ZNF106: variants seen among roughly 807,000 people sequenced by gnomAD.
ZNF106 encodes the protein zinc finger protein 106.
In ZNF106, 67 loss-of-function variants were observed where a neutral mutation model predicts 195.1. The ratio of observed to expected loss-of-function variants is 0.34; its 90% CI spans 0.28 to 0.42. The LOEUF is 0.42. Ranked by LOEUF, ZNF106 falls within the 10% of genes least tolerant of loss-of-function variation. The pLI is 1.00. For synonymous variants in ZNF106, 784 were observed against 818.6 expected (o/e 0.96, Z 0.72); for missense variants, 2,118 against 2,304.5 (o/e 0.92, Z 1.66).
At position 42,442,000 on chromosome 15, in the gene ZNF106, C is replaced by G. The variant is rs1011073467; in HGVS notation, c.3763+73G>C. ...TTTTAGTTTTAATGAGCAAGTATGGCTTATATCACTCATATAAAAATGCCC... is the reference window on the plus strand; with the variant it reads ...TTTTAGTTTTAATGAGCAAGTATGGGTTATATCACTCATATAAAAATGCCC... On this transcript the variant is annotated intron_variant, in intron 10 of 21. Coordinates refer to ENST00000564754, the MANE Select transcript of ZNF106 (RefSeq NM_001366845.3). 6 of 1,236,060 alleles carry G rather than the reference C, an allele frequency of 4.9e-6. No homozygotes were observed. In the Admixed American group the frequency reaches 1.4e-4, roughly 28 times the overall value. 76.6% of individuals were successfully genotyped at this position (1,236,060 alleles called of 1,614,324 possible).
chr15:42,452,874 C>T lies in ZNF106; in HGVS notation c.318-920G>A, dbSNP rs1419666397. On this transcript the variant is annotated intron_variant, in intron 4 of 21. Transcript: ENST00000564754. ...CTAATTTTTGTATTTTTAGTAGAGA[C>T]GGGGTTTCACCATGTTGGCCAGGCT... is the stretch of plus-strand genomic sequence containing the variant. Among the ~76,000 whole-genome samples the T allele has an allele frequency of 2.6e-5, 4 of 151,530 alleles. 1 individual carries two copies. Among genetic ancestry groups the T allele is most frequent in the South Asian group, 4.2e-4 (2 of 4,810 alleles).
intron 13 of ZNF106, among the ~76,000 whole-genome samples, chr15:42,436,968 G>T (rs192206658): frequency 6.6e-6 from 1 of 152,320 alleles, no homozygotes; most frequent in Admixed American, 6.5e-5. Flanking sequence ...AGAGACTCCA[G>T]TGGCTCCTGA....
chr15:42,461,319 G>A (rs934876), intron 3 of ZNF106, among the ~76,000 whole-genome samples: 12,988 of 152,236 alleles, frequency 0.085, 1,215 homozygotes, highest in African/African-American at 0.21. Context: ...AAATAATCAC[G>A]GGGGAAATGT....
intron 2 of ZNF106, among the ~76,000 whole-genome samples, chr15:42,468,742 A>C (rs528203566): frequency 9.3e-4 from 140 of 151,026 alleles, no homozygotes; most frequent in African/African-American, 2.8e-3. Flanking sequence ...ACTCCGTCTC[A>C]AAAAAAATAA....
Position 42,433,075 on chromosome 15 carries a change from C to T in ZNF106, c.4881+2309G>A, listed in dbSNP as rs528994164. ...CATTTTTATTCCTCTATTTCTCCTT[C>T]TACCTTCTCTTGTATTAAGTATATT... is the stretch of plus-strand genomic sequence containing the variant. On this transcript the variant is annotated intron_variant, in intron 14 of 21. Coordinates refer to ENST00000564754, the MANE Select transcript of ZNF106 (RefSeq NM_001366845.3). 1.6e-4 allele frequency among the ~76,000 whole-genome samples: 25 copies of T among 152,190 alleles called. 1 individual carries two copies. The South Asian group carries it at 5.2e-3, about 32-fold the overall frequency.
intron 4 of ZNF106, among the ~76,000 whole-genome samples, chr15:42,453,359 C>T (rs540873725): frequency 1.9e-4 from 29 of 152,212 alleles, no homozygotes; most frequent in African/African-American, 4.8e-4. Flanking sequence ...TCATGTCAGA[C>T]GAGGAGTCCA....
chr15:42,456,376 C>T (rs896527041), intron 4 of ZNF106, among the ~76,000 whole-genome samples: 12 of 152,082 alleles, frequency 7.9e-5, no homozygotes, highest in Middle Eastern at 3.2e-3. Context: ...TGGACAGGTA[C>T]GGTGGCTCAC....
At position 42,448,179 on chromosome 15, in the gene ZNF106, C is replaced by G. The variant is rs199854746; in HGVS notation, c.3028G>C (p.Ala1010Pro). 1 of 1,614,130 alleles carries G rather than the reference C, an allele frequency of 6.2e-7. No homozygotes were observed. Among genetic ancestry groups the G allele is most frequent in the East Asian group, 2.2e-5 (1 of 44,880 alleles). Residue 1010 changes from alanine to proline, a missense_variant, in exon 6 of 22, where the codon GCC (alanine) becomes CCC (proline). Ala to Pro is a conservative substitution (Grantham distance 27, BLOSUM62 -1). Transcript: ENST00000564754. ...TCCGCTAAACTGGAGATCGCAAGGG[C>G]TGAGGATGCGCTTGATGACAGACAG... ...GNCLSSSASS[A>P]LAISSLADAA...
At chr15:42,458,830 G>A (rs1339207982) in intron 3 of ZNF106, among the ~76,000 whole-genome samples, 1 of 150,960 alleles carries the variant, frequency 6.6e-6, no homozygotes, top group Non-Finnish European at 1.5e-5. Flanking sequence ...ACCTGTAACA[G>A]AAACTGTCTT....
chr15:42,448,715 G>T lies in ZNF106; in HGVS notation c.2502-10C>A. ...CATTTCTATGCCAAACCTTAAGGAA[G>T]AAAGAAAAAATGAAAACATAAATTG... On this transcript the variant is annotated splice_polypyrimidine_tract_variant and intron_variant, in intron 5 of 21. Coordinates refer to ENST00000564754, the MANE Select transcript of ZNF106 (RefSeq NM_001366845.3). 3 of 1,567,900 alleles carry T rather than the reference G, an allele frequency of 1.9e-6. No individual in the cohort carries two copies. The highest frequency in any genetic ancestry group is 2.6e-6 in the Non-Finnish European group (3 of 1,165,846).
intron 2 of ZNF106, among the ~76,000 whole-genome samples, chr15:42,470,789 C>T (rs993624994): frequency 5.3e-5 from 8 of 152,266 alleles, no homozygotes; most frequent in Middle Eastern, 6.8e-3. Flanking sequence ...CTCTGTCCAA[C>T]GTGAAAGTAG....
intron 17 of ZNF106, among the ~76,000 whole-genome samples, chr15:42,423,089 C>A (rs762751097): frequency 6.6e-6 from 1 of 151,742 alleles, no homozygotes; most frequent in African/African-American, 2.4e-5. Flanking sequence ...TCTCACAGGC[C>A]GGGCACAGTG....
Position 42,435,465 on chromosome 15 carries a change from G to A in ZNF106, c.4800C>T (p.Leu1600=). ...TCTTCCCGGAGGTCTGAGTAACCAGGAGGCAGTTAACTTTGGAGGTATGAC... is the reference window on the plus strand; with the variant it reads ...TCTTCCCGGAGGTCTGAGTAACCAGAAGGCAGTTAACTTTGGAGGTATGAC... ...FEGHTSKVNC[L]LVTQTSGKNA... The change falls in exon 14 of 22, where the codon CTC becomes CTT. Residue 1600 remains leucine, a synonymous_variant. Transcript: ENST00000564754. The A allele has an allele frequency of 6.2e-7, 1 of 1,614,192 alleles. No individual in the cohort carries two copies. Among genetic ancestry groups the A allele is most frequent in the Non-Finnish European group, 8.5e-7 (1 of 1,180,032 alleles).
At chr15:42,443,794 C>T (rs2055648997) in intron 9 of ZNF106, among the ~76,000 whole-genome samples, 1 of 151,826 alleles carries the variant, frequency 6.6e-6, no homozygotes, top group Admixed American at 6.6e-5. Context: ...CTTTTCATGA[C>T]TACTTTTCAT....
At chr15:42,482,130 T>C (rs184104493) in intron 1 of ZNF106, among the ~76,000 whole-genome samples, 8 of 152,356 alleles carry the variant, frequency 5.3e-5, no homozygotes, top group Admixed American at 5.2e-4. Context: ...GATATCATAT[T>C]TTTCAGTTCT....
chr15:42,450,531 T>C lies in ZNF106; in HGVS notation c.1741A>G (p.Ser581Gly), dbSNP rs758294779. 1 of 1,614,200 alleles carries C rather than the reference T, an allele frequency of 6.2e-7. No homozygotes were observed. The highest frequency in any genetic ancestry group is 1.1e-5 in the South Asian group (1 of 91,084). ...LQNPLLSTSKSTRNYAKASRN... is the reference protein window; with the variant it reads ...LQNPLLSTSKGTRNYAKASRN... ...CTTGCTTTTGCATAGTTCCTGGTACTTTTAGAAGTGCTAAGAAGTGGATTT... is the reference window on the plus strand; with the variant it reads ...CTTGCTTTTGCATAGTTCCTGGTACCTTTAGAAGTGCTAAGAAGTGGATTT... Residue 581 changes from serine (S) to glycine (G), a missense_variant, in exon 5 of 22, where the codon AGT (serine) becomes GGT (glycine). Physicochemically the swap from Ser to Gly is moderately conservative, Grantham distance 56. Coordinates refer to ENST00000564754, the MANE Select transcript of ZNF106 (RefSeq NM_001366845.3).
intron 13 of ZNF106, among the ~76,000 whole-genome samples, chr15:42,436,267 T>C (rs1047306370): frequency 8.5e-5 from 13 of 152,244 alleles, no homozygotes; most frequent in Admixed American, 2.0e-4. Context: ...GTGGTGTTTC[T>C]TATGGGTACA....
chr15:42,485,591 T>G (rs1425443799), intron 1 of ZNF106, among the ~76,000 whole-genome samples: 1 of 152,114 alleles, frequency 6.6e-6, no homozygotes, highest in Non-Finnish European at 1.5e-5. Flanking sequence ...TGTGTGTGTG[T>G]GAGTACACCC....
At chr15:42,462,765 T>C (rs1446575046) in intron 3 of ZNF106, among the ~76,000 whole-genome samples, 2 of 152,162 alleles carry the variant, frequency 1.3e-5, no homozygotes, top group Non-Finnish European at 2.9e-5. Flanking sequence ...CTGTATTGAT[T>C]ATAAACACGA....
Sources: gnomAD v4.1 joint callset for allele counts (sites outside exome capture counted in the v4.1 genomes callset) on GRCh38, gnomAD v4.1.1 for gene constraint, MANE v1.5 for transcripts, NCBI Gene and HGNC (gene_info 2026-07-23, HGNC 2026-07-21) for gene names.